The following WDHD1 variants were observed in gnomAD, a reference collection of about 807,000 sequenced individuals.
WDHD1 encodes the protein WD repeat and HMG-box DNA-binding protein 1.
WDHD1 carries 111 observed loss-of-function variants against 135.4 expected under a neutral mutation model. That is an observed-to-expected ratio of 0.82 (90% CI 0.70 to 0.96). The LOEUF (loss-of-function observed/expected upper bound fraction) is 0.96. WDHD1 is among the 40% of genes least tolerant of loss of function. The probability of loss-of-function intolerance (pLI) is 0.00; values close to 1 mark genes in which losing one functional copy is unlikely to be tolerated. For missense variants in WDHD1, 1,351 were observed against 1,336.3 expected (o/e 1.01, Z -0.17); for synonymous variants, 434 against 439.0 (o/e 0.99, Z 0.14).
intron 10 of WDHD1, among the ~76,000 whole-genome samples, chr14:54,996,133 T>A (rs1162295714): frequency 6.6e-6 from 1 of 152,208 alleles, no homozygotes; most frequent in Non-Finnish European, 1.5e-5. Flanking sequence ...AGAAGTGATA[T>A]TAATATGATA....
chr14:55,016,632 G>T (rs557011541), intron 2 of WDHD1, among the ~76,000 whole-genome samples: 18 of 152,350 alleles, frequency 1.2e-4, no homozygotes, highest in Non-Finnish European at 1.3e-4. Flanking sequence ...CTGAGGTGAT[G>T]AAAATGGTCT....
In WDHD1 at chr14:54,966,511, T is replaced by C. The variant is rs746984841; in HGVS notation, c.2274A>G (p.Thr758=). The C allele has an allele frequency of 5.6e-6, 9 of 1,606,018 alleles. No homozygotes were observed. In the East Asian group the frequency reaches 1.3e-4, roughly 24 times the overall value. The change falls in exon 18 of 26, where the codon ACA becomes ACG. Residue 758 remains threonine (T), a synonymous_variant. Coordinates refer to ENST00000360586, the MANE Select transcript of WDHD1 (RefSeq NM_007086.4). ...TCATTAAAAGTTCCTGTTGCTCTTT[T>C]GTTGCTTGATTTTTAGTGCTCTCTT... ...EYEESTKNQA[T]KEQQELLMKM...
Position 55,020,850 on chromosome 14 carries a change from T to C in WDHD1, c.77+5861A>G, listed in dbSNP as rs186139251. On this transcript the variant is annotated intron_variant, in intron 2 of 25. Coordinates refer to ENST00000360586, the MANE Select transcript of WDHD1 (RefSeq NM_007086.4). ...TATTTTGTCTATGTATTATATACTGTATCTGTACAATACAGCAATATAGAG... is the reference window on the plus strand; with the variant it reads ...TATTTTGTCTATGTATTATATACTGCATCTGTACAATACAGCAATATAGAG... Among the ~76,000 whole-genome samples, 20 of 152,340 alleles carry C rather than the reference T, an allele frequency of 1.3e-4. No homozygotes were observed. The East Asian group carries it at 3.5e-3, about 26-fold the overall frequency.
chr14:55,002,025 G>C (rs1445313642), intron 8 of WDHD1, 68 bp downstream of exon 8: 1 of 1,112,324 alleles, frequency 9.0e-7, no homozygotes, highest in Non-Finnish European at 1.3e-6. Context: ...AACTGCAACT[G>C]TATTCAGGCA....
At chr14:54,983,249 T>G (rs1010870239) in intron 15 of WDHD1, among the ~76,000 whole-genome samples, 3 of 152,082 alleles carry the variant, frequency 2.0e-5, no homozygotes, top group African/African-American at 7.2e-5. Context: ...GCCTCTAGAA[T>G]TTGGTCTAAA....
rs774291560 is a variant in WDHD1 at position 54,981,582 on chromosome 14, T to G, written c.2021A>C (p.His674Pro). The G allele has an allele frequency of 1.5e-5, 24 of 1,613,528 alleles. No individual in the cohort carries two copies. ...TTCATGGATACCAACCACCCAGTAG[T>G]GATCAGATTTTCCTTTGCAGTGCTC... is the stretch of plus-strand genomic sequence containing the variant. The part of the protein sequence containing the change: ...TREHCKGKSD[H>P]YWVVGIHENP... The change falls in exon 16 of 26, where the codon CAC becomes CCC. Residue 674 changes from histidine to proline, a missense_variant. His to Pro is a moderately conservative substitution (Grantham distance 77, BLOSUM62 -2). Coordinates refer to ENST00000360586, the MANE Select transcript of WDHD1 (RefSeq NM_007086.4).
chr14:54,990,736 C>G (rs2041772253), intron 12 of WDHD1, among the ~76,000 whole-genome samples: 1 of 152,042 alleles, frequency 6.6e-6, no homozygotes, highest in African/African-American at 2.4e-5. Flanking sequence ...AAACAAAAAT[C>G]TTTATCCTCG....
intron 7 of WDHD1, among the ~76,000 whole-genome samples, chr14:55,002,542 G>A (rs945810865): frequency 6.6e-6 from 1 of 152,046 alleles, no homozygotes; most frequent in African/African-American, 2.4e-5. Flanking sequence ...AAAAATAAAG[G>A]TGATCACTCT....
intron 11 of WDHD1, among the ~76,000 whole-genome samples, chr14:54,992,197 C>CAA (rs141675860): frequency 1.4e-5 from 2 of 144,926 alleles, no homozygotes; most frequent in Non-Finnish European, 3.0e-5. Context: ...GACTCCGTCT[C>CAA]AAAAAAAAAA....
intron 15 of WDHD1, 94 bp downstream of exon 15, chr14:54,984,624 CTTAAA>C (rs1357162238): frequency 1.2e-5 from 12 of 1,007,398 alleles, no homozygotes; most frequent in Admixed American, 1.2e-4. Context: ...ATAATTTATT[CTTAAA>C]TTAATTAGGA....
chr14:55,010,514 G>GAGTC, intron 3 of WDHD1, 54 bp from the exon 4 acceptor site: 1 of 1,395,824 alleles, frequency 7.2e-7, no homozygotes, highest in Non-Finnish European at 9.5e-7. Flanking sequence ...AAATGACTGG[G>GAGTC]AGTCTCTCCA....
intron 24 of WDHD1, among the ~76,000 whole-genome samples, chr14:54,948,941 C>A (rs2040985019): frequency 6.6e-6 from 1 of 152,156 alleles, no homozygotes; most frequent in Non-Finnish European, 1.5e-5. Flanking sequence ...GCTGAGGGTC[C>A]TGACTGTTAG....
intron 10 of WDHD1, among the ~76,000 whole-genome samples, chr14:54,999,692 G>A (rs2041948476): frequency 1.3e-5 from 2 of 152,106 alleles, no homozygotes; most frequent in South Asian, 4.1e-4. Flanking sequence ...AACCTCCTGG[G>A]CTCTAGTGAT....
intron 25 of WDHD1, 66 bp downstream of exon 25, chr14:54,944,266 T>C: frequency 2.5e-6 from 4 of 1,586,416 alleles, no homozygotes; most frequent in Non-Finnish European, 2.6e-6. Context: ...CCAAAAGGCA[T>C]TTCTATAAGA....
chr14:54,985,380 T>A (rs1409174962), intron 14 of WDHD1, among the ~76,000 whole-genome samples: 1 of 151,770 alleles, frequency 6.6e-6, no homozygotes. Context: ...AACACGGAAG[T>A]GGATGGAGGG....
chr14:54,959,728 A>G (rs527612624), intron 21 of WDHD1, among the ~76,000 whole-genome samples: 172 of 152,224 alleles, frequency 1.1e-3, no homozygotes, highest in African/African-American at 4.0e-3. Flanking sequence ...GGACTGCATC[A>G]CTGCACTCCA....
In WDHD1 at chr14:55,003,587, C is replaced by CTATATATATATATATATATATA. The variant is rs140023951; in HGVS notation, c.601-1403_601-1402insTATATATATATATATATATATA. On this transcript the variant is annotated intron_variant, in intron 7 of 25. Transcript: ENST00000360586. ...TGTATAAAAAAGAAAGAAAAACGAACTATATATATATAGTTGCCCAGGCTG... is the reference window on the plus strand; with the variant it reads ...TGTATAAAAAAGAAAGAAAAACGAACTATATATATATATATATATATATATATATATATAGTTGCCCAGGCTG... Among the ~76,000 whole-genome samples, 176 of 143,730 alleles carry CTATATATATATATATATATATA rather than the reference C, an allele frequency of 1.2e-3. 8 individuals are homozygous for CTATATATATATATATATATATA. The highest frequency in any genetic ancestry group is 9.1e-3 in the South Asian group (43 of 4,744). The allele number at this position is 143,730 out of a possible 152,430, so 94.3% of individuals were successfully genotyped here. A position where few individuals can be genotyped will look rare whatever the true frequency, so the allele number is the denominator to read the frequency against.
At chr14:55,015,341 C>G (rs1177445070) in intron 2 of WDHD1, among the ~76,000 whole-genome samples, 2 of 128,686 alleles carry the variant, frequency 1.6e-5, no homozygotes, top group African/African-American at 3.0e-5. Flanking sequence ...GAGCCGAGAT[C>G]GCACTACTGT....
rs573658793 is a variant in WDHD1 at position 55,013,575 on chromosome 14, A to C, written c.99T>G (p.Ser33Arg). 6.2e-7 allele frequency: 1 copy of C among 1,613,926 alleles called. No individual in the cohort carries two copies. The highest frequency in any genetic ancestry group is 8.5e-7 in the Non-Finnish European group (1 of 1,179,856). ...DSGSFIVTCG[S>R]DGDVRIWEDL... ...CTTCCCAAATCCTCACATCACCATC[A>C]CTTCCACAAGTCACAATAAAACTGT... The change falls in exon 3 of 26, where the codon AGT becomes AGG. Residue 33 changes from serine (S) to arginine (R), a missense_variant. This residue lies in a region of WDHD1 where 1,330 missense variants were observed against 1,296.1 expected (regional missense o/e 1.03). Coordinates refer to ENST00000360586, the MANE Select transcript of WDHD1 (RefSeq NM_007086.4).
Sources: gnomAD v4.1 joint callset for allele counts (sites outside exome capture counted in the v4.1 genomes callset) on GRCh38, gnomAD v4.1.1 for gene constraint, gnomAD v4.1.1 regional missense constraint, MANE v1.5 for transcripts, NCBI Gene and HGNC (gene_info 2026-07-23, HGNC 2026-07-21) for gene names.